Variants in ZBTB16 observed in about 807,000 individuals in gnomAD.
ZBTB16 encodes zinc finger and BTB domain containing 16, also known as zinc finger and BTB domain-containing protein 16.
A neutral mutation model predicts 56.8 loss-of-function variants in ZBTB16; 8 were observed. The ratio of observed to expected loss-of-function variants is 0.14; its 90% confidence interval spans 0.08 to 0.25. The LOEUF (loss-of-function observed/expected upper bound fraction) is 0.25, where lower values mean the gene tolerates loss of function less well. Among genes scored for constraint, ZBTB16 ranks in the 10% least tolerant of loss-of-function variants. ZBTB16 has a pLI of 1.00. For synonymous variants in ZBTB16, 363 were observed against 368.5 expected (o/e 0.98, Z 0.17); for missense variants, 625 against 903.0 (o/e 0.69, Z 3.95).
At chr11:114,156,266 C>T (rs1000015733) in intron 2 of ZBTB16, 71 bp from the exon 3 acceptor site, 3 of 1,514,214 alleles carry the variant, frequency 2.0e-6, no homozygotes, top group African/African-American at 1.4e-5. Context: ...TGCCAAGCCC[C>T]CAGGTAGGGG....
At chr11:114,219,149 G>A (rs116001314) in intron 4 of ZBTB16, among the ~76,000 whole-genome samples, 4,842 of 152,272 alleles carry the variant, frequency 0.032, 201 homozygotes, top group Admixed American at 0.099. Context: ...ATTAGAATGG[G>A]GGAGACAACA....
At chr11:114,095,581 T>A (rs1439566452) in intron 2 of ZBTB16, among the ~76,000 whole-genome samples, 1 of 152,136 alleles carries the variant, frequency 6.6e-6, no homozygotes, top group Non-Finnish European at 1.5e-5. Flanking sequence ...ATACATAGGT[T>A]ATGGAGCAGG....
chr11:114,141,129 AG>A, intron 2 of ZBTB16, among the ~76,000 whole-genome samples: 1 of 152,308 alleles, frequency 6.6e-6, no homozygotes, highest in South Asian at 2.1e-4. Flanking sequence ...AGCCTCCTGA[AG>A]GCTTGCCCGG....
intron 4 of ZBTB16, among the ~76,000 whole-genome samples, chr11:114,192,823 A>T (rs149413068): frequency 6.6e-6 from 1 of 152,354 alleles, no homozygotes; most frequent in East Asian, 1.9e-4. Context: ...TGAGAGTTCT[A>T]ATCTGGGGGA....
At chr11:114,061,922 C>G (rs558220695) in intron 1 of ZBTB16, among the ~76,000 whole-genome samples, 1 of 152,246 alleles carries the variant, frequency 6.6e-6, no homozygotes, top group South Asian at 2.1e-4. Context: ...ACGTGGAGTT[C>G]ACACACCCAG....
At chr11:114,090,881 T>C (rs1328148790) in intron 2 of ZBTB16, among the ~76,000 whole-genome samples, 1 of 152,206 alleles carries the variant, frequency 6.6e-6, no homozygotes, top group Non-Finnish European at 1.5e-5. Flanking sequence ...TTAAGAAACA[T>C]ATGTATGGCT....
intron 2 of ZBTB16, among the ~76,000 whole-genome samples, chr11:114,142,667 C>T (rs777653397): frequency 7.9e-5 from 12 of 152,098 alleles, no homozygotes; most frequent in South Asian, 4.1e-4. Flanking sequence ...AAAATATATA[C>T]TTAAAAGTAA....
At chr11:114,101,143 T>A (rs769919511) in intron 2 of ZBTB16, among the ~76,000 whole-genome samples, 2 of 152,150 alleles carry the variant, frequency 1.3e-5, no homozygotes, top group Non-Finnish European at 2.9e-5. Flanking sequence ...TAGCTGGGAT[T>A]ACAGGTGTAT....
At position 114,060,604 on chromosome 11, in the gene ZBTB16, C is replaced by T. The variant is rs1938791527; in HGVS notation, c.-91+722C>T. 2 of 127,546 alleles carry T rather than the reference C, an allele frequency of 1.6e-5. No homozygotes were observed. The highest frequency in any genetic ancestry group is 3.5e-5 in the Non-Finnish European group (2 of 57,800). 7.9% of individuals were successfully genotyped at this position (127,546 alleles called of 1,614,324 possible). A position where few individuals can be genotyped will look rare whatever the true frequency, so the allele number is the denominator to read the frequency against. On this transcript the variant is annotated intron_variant, in intron 1 of 6. Coordinates refer to ENST00000335953, the MANE Select transcript of ZBTB16 (RefSeq NM_006006.6). This position sits in a 1 kb window ranked among gnomAD's most constrained non-coding sequence, Gnocchi z 6.0. ...CTCTCGGTGGGTGCCGGTCTCTGCA[C>T]CTGATGCGTTCGGGATGCCTTTCCC... is the stretch of plus-strand genomic sequence containing the variant.
chr11:114,124,895 A>G (rs895352361), intron 2 of ZBTB16, among the ~76,000 whole-genome samples: 3 of 152,242 alleles, frequency 2.0e-5, no homozygotes, highest in Admixed American at 2.0e-4. Flanking sequence ...GAAGAGAAGC[A>G]GTCTCTTGAC....
intron 4 of ZBTB16, among the ~76,000 whole-genome samples, chr11:114,225,111 G>A (rs945225020): frequency 1.2e-4 from 18 of 152,174 alleles, no homozygotes; most frequent in Non-Finnish European, 2.5e-4. Context: ...TTGGCCAGAA[G>A]TCAGTGGGGA....
At chr11:114,118,400 C>T (rs1168899614) in intron 2 of ZBTB16, among the ~76,000 whole-genome samples, 1 of 152,152 alleles carries the variant, frequency 6.6e-6, no homozygotes, top group Non-Finnish European at 1.5e-5. Context: ...TGGTCTCAAA[C>T]TCCTGGCCTC....
chr11:114,090,349 G>C (rs1940140403), intron 2 of ZBTB16, among the ~76,000 whole-genome samples: 1 of 152,202 alleles, frequency 6.6e-6, no homozygotes, highest in African/African-American at 2.4e-5. Flanking sequence ...TAACGTGGGG[G>C]AAGGATGGAG....
chr11:114,069,252 A>G lies in ZBTB16; in HGVS notation c.1268+4684A>G, dbSNP rs544834078. ...AGGCACCCGCCACCACGCCCGGCTAATTTTTTGTATTTTTAGTAGAGACAG... is the reference window on the plus strand; with the variant it reads ...AGGCACCCGCCACCACGCCCGGCTAGTTTTTTGTATTTTTAGTAGAGACAG... On this transcript the variant is annotated intron_variant, in intron 2 of 6. Coordinates refer to ENST00000335953, the MANE Select transcript of ZBTB16 (RefSeq NM_006006.6). 2.2e-4 allele frequency among the ~76,000 whole-genome samples: 33 copies of G among 152,194 alleles called. No homozygotes were observed. In the South Asian group the frequency reaches 6.4e-3, roughly 30 times the overall value.
At chr11:114,085,557 G>A (rs1939931060) in intron 2 of ZBTB16, among the ~76,000 whole-genome samples, 2 of 152,164 alleles carry the variant, frequency 1.3e-5, no homozygotes, top group South Asian at 2.1e-4. Context: ...TATTATATAA[G>A]TGAGGTATGG....
At chr11:114,082,678 C>T (rs772453187) in intron 2 of ZBTB16, among the ~76,000 whole-genome samples, 33 of 152,090 alleles carry the variant, frequency 2.2e-4, no homozygotes, top group Admixed American at 1.6e-3. Context: ...TATCTTGTAC[C>T]TGGCACTCTA....
intron 2 of ZBTB16, among the ~76,000 whole-genome samples, chr11:114,098,418 C>G (rs538210473): frequency 6.6e-6 from 1 of 152,014 alleles, no homozygotes. Context: ...AACTTACAAC[C>G]TTTAACGCCA....
intron 3 of ZBTB16, among the ~76,000 whole-genome samples, chr11:114,158,916 C>T (rs1429100491): frequency 1.3e-5 from 2 of 152,246 alleles, no homozygotes; most frequent in Non-Finnish European, 1.5e-5. Flanking sequence ...GGACAAGTCC[C>T]TCCTGTGGTA....
intron 2 of ZBTB16, among the ~76,000 whole-genome samples, chr11:114,070,025 G>T (rs1014782764): frequency 6.6e-6 from 1 of 150,382 alleles, no homozygotes; most frequent in Non-Finnish European, 1.5e-5. Context: ...ATATTAATGT[G>T]TTTGATTACA....
Sources: gnomAD v4.1 joint callset for allele counts (sites outside exome capture counted in the v4.1 genomes callset) on GRCh38, gnomAD v4.1.1 for gene constraint, Gnocchi (gnomAD v3.1) non-coding constraint, MANE v1.5 for transcripts, NCBI Gene and HGNC (gene_info 2026-07-23, HGNC 2026-07-21) for gene names.